Variants in ANO3 observed in about 807,000 individuals in gnomAD.
The protein encoded by ANO3 is anoctamin 3, also known as anoctamin-3.
In ANO3, 99 loss-of-function variants were observed where a neutral mutation model predicts 144.8. The observed-to-expected ratio is 0.68, with a 90% CI of 0.58 to 0.81. The LOEUF (loss-of-function observed/expected upper bound fraction) is 0.81, where lower values mean the gene tolerates loss of function less well. ANO3 is among the 30% of genes least tolerant of loss of function. The pLI, the probability that ANO3 is intolerant of heterozygous loss-of-function variation, is 0.00. For missense variants in ANO3, 905 were observed against 1,202.2 expected (o/e 0.75, Z 3.66); for synonymous variants, 414 against 392.6 (o/e 1.05, Z -0.64).
chr11:26,336,557 C>T (rs1456828644), intron 1 of ANO3, among the ~76,000 whole-genome samples: 8 of 152,198 alleles, frequency 5.3e-5, no homozygotes, highest in South Asian at 2.1e-4. Flanking sequence ...AGTGCACACC[C>T]GTAAAGCCAC....
chr11:26,584,464 T>C (rs1280480992), intron 14 of ANO3, among the ~76,000 whole-genome samples: 1 of 152,164 alleles, frequency 6.6e-6, no homozygotes, highest in Non-Finnish European at 1.5e-5. Context: ...ATGAGATTCC[T>C]TGAAGCATAA....
chr11:26,197,277 A>C (rs1851607052), intron 1 of ANO3, among the ~76,000 whole-genome samples: 1 of 152,214 alleles, frequency 6.6e-6, no homozygotes. Context: ...TACATGAGGA[A>C]GGTTCGCAAT....
intron 1 of ANO3, among the ~76,000 whole-genome samples, chr11:26,203,319 T>G (rs1332239865): frequency 6.6e-6 from 1 of 152,136 alleles, no homozygotes; most frequent in Non-Finnish European, 1.5e-5. Context: ...GAGGCAACAT[T>G]GTACGCTACC....
intron 1 of ANO3, among the ~76,000 whole-genome samples, chr11:26,281,808 T>A (rs1212833892): frequency 6.6e-6 from 1 of 152,192 alleles, no homozygotes; most frequent in Non-Finnish European, 1.5e-5. Context: ...ATTGTCCTTC[T>A]GCAACTATGG....
At chr11:26,431,261 C>G (rs980904453) in intron 1 of ANO3, among the ~76,000 whole-genome samples, 1 of 152,136 alleles carries the variant, frequency 6.6e-6, no homozygotes, top group Admixed American at 6.5e-5. Flanking sequence ...AACTTTGAAG[C>G]CTAAACCAGA....
intron 1 of ANO3, among the ~76,000 whole-genome samples, chr11:26,231,998 C>T (rs1399339883): frequency 1.3e-5 from 2 of 152,284 alleles, no homozygotes; most frequent in Middle Eastern, 3.4e-3. Context: ...TTGCTTCTTC[C>T]CTTTCAAGAT....
At chr11:26,618,201 A>G (rs940796980) in intron 17 of ANO3, among the ~76,000 whole-genome samples, 10 of 152,182 alleles carry the variant, frequency 6.6e-5, no homozygotes, top group Admixed American at 1.3e-4. Flanking sequence ...GCATAGAAAA[A>G]TAGTTTAAAT....
intron 1 of ANO3, among the ~76,000 whole-genome samples, chr11:26,315,569 G>A (rs1056792816): frequency 2.6e-5 from 4 of 151,654 alleles, no homozygotes; most frequent in East Asian, 1.9e-4. Context: ...CTACTTGATC[G>A]TTGACAAGTG....
At chr11:26,485,866 G>A (rs1860425399) in intron 4 of ANO3, among the ~76,000 whole-genome samples, 1 of 152,078 alleles carries the variant, frequency 6.6e-6, no homozygotes, top group South Asian at 2.1e-4. Flanking sequence ...GACAAACTGA[G>A]AAATTTCTGC....
In ANO3 at chr11:26,598,393, GAGA is replaced by G. The variant is rs1565132933; in HGVS notation, c.1479_1481del (p.Arg494del). 1 of 1,564,472 alleles carries G rather than the reference GAGA, an allele frequency of 6.4e-7. No homozygotes were observed. Among genetic ancestry groups the G allele is most frequent in the Non-Finnish European group, 8.6e-7 (1 of 1,156,610 alleles). On this transcript the variant is annotated inframe_deletion, in exon 15 of 27. Coordinates refer to ENST00000256737, the MANE Select transcript of ANO3 (RefSeq NM_031418.4). ...CAGTCTTCCTGGAGTTTTGGAAAAGGAGAAGGAGTATACTGACCTATACTTGGG... is the reference window on the plus strand; with the variant it reads ...CAGTCTTCCTGGAGTTTTGGAAAAGGAGGAGTATACTGACCTATACTTGGG...
intron 1 of ANO3, among the ~76,000 whole-genome samples, chr11:26,241,963 C>T (rs1321398837): frequency 1.3e-5 from 2 of 152,020 alleles, no homozygotes; most frequent in Admixed American, 6.6e-5. Context: ...AGATGAGATG[C>T]AAAATAGAGA....
At chr11:26,459,574 A>G (rs1251487666) in intron 3 of ANO3, among the ~76,000 whole-genome samples, 1 of 152,044 alleles carries the variant, frequency 6.6e-6, no homozygotes, top group Non-Finnish European at 1.5e-5. Context: ...ACAAGACAAC[A>G]AAAGTGGGAA....
intron 18 of ANO3, among the ~76,000 whole-genome samples, chr11:26,631,118 G>C (rs1852763859): frequency 1.3e-5 from 2 of 151,862 alleles, no homozygotes; most frequent in South Asian, 4.2e-4. Flanking sequence ...GAAAATTATT[G>C]ATAGGATGTT....
chr11:26,257,872 G>A (rs1353665072), intron 1 of ANO3, among the ~76,000 whole-genome samples: 1 of 151,972 alleles, frequency 6.6e-6, no homozygotes, highest in Non-Finnish European at 1.5e-5. Context: ...AAACTATTGT[G>A]TTTACTAATG....
At chr11:26,275,334 A>G (rs1477454928) in intron 1 of ANO3, among the ~76,000 whole-genome samples, 1 of 152,168 alleles carries the variant, frequency 6.6e-6, no homozygotes, top group Non-Finnish European at 1.5e-5. Context: ...TTTATGCTAC[A>G]GTATTTCATG....
At chr11:26,537,508 T>G in intron 10 of ANO3, 47 bp downstream of exon 10, 1 of 1,463,112 alleles carries the variant, frequency 6.8e-7, no homozygotes, top group African/African-American at 1.4e-5. Context: ...GTTTTCATGC[T>G]CAATGCTTGG....
chr11:26,546,079 T>C (rs1849779908), intron 11 of ANO3, among the ~76,000 whole-genome samples: 2 of 151,910 alleles, frequency 1.3e-5, no homozygotes, highest in Admixed American at 1.3e-4. Context: ...CAACCCTCTG[T>C]CACCAAAATC....
At chr11:26,236,521 C>T (rs1214368050) in intron 1 of ANO3, among the ~76,000 whole-genome samples, 1 of 151,954 alleles carries the variant, frequency 6.6e-6, no homozygotes, top group Non-Finnish European at 1.5e-5. Flanking sequence ...AATATTAACT[C>T]AAGAATCTAA....
chr11:26,573,682 C>T (rs1850913065), intron 14 of ANO3, among the ~76,000 whole-genome samples: 1 of 152,084 alleles, frequency 6.6e-6, no homozygotes, highest in South Asian at 2.1e-4. Context: ...ATAAAAGTCC[C>T]GCTAATTTCT....
Sources: gnomAD v4.1 joint callset for allele counts (sites outside exome capture counted in the v4.1 genomes callset) on GRCh38, gnomAD v4.1.1 for gene constraint, MANE v1.5 for transcripts, NCBI Gene and HGNC (gene_info 2026-07-23, HGNC 2026-07-21) for gene names.